The following RSPO1 variants were observed in gnomAD, a reference collection of about 807,000 sequenced individuals.
RSPO1 encodes R-spondin-1.
RSPO1 carries 18 observed loss-of-function variants against 26.0 expected under a neutral mutation model. That is an observed-to-expected ratio of 0.69 (90% CI 0.48 to 1.03). RSPO1 has a LOEUF of 1.03. Ranked by LOEUF, RSPO1 falls within the 50% of genes least tolerant of loss-of-function variation. RSPO1 has a pLI of 0.00. For missense variants in RSPO1, 309 were observed against 352.3 expected (o/e 0.88, Z 0.98); for synonymous variants, 133 against 137.4 (o/e 0.97, Z 0.22).
rs117817719 is a variant in RSPO1, at chr1:37,623,794, C to T, written c.94+5774G>A. On this transcript the variant is annotated intron_variant, in intron 3 of 6. Transcript: ENST00000356545. ...TTTTTTTTTGAAATGGTGTCTCACC[C>T]TGTTGGCCAGGCTGGAGTGCAATGG... is the stretch of plus-strand genomic sequence containing the variant. Among the ~76,000 whole-genome samples the T allele has an allele frequency of 3.2e-3, 485 of 150,856 alleles. 20 individuals are homozygous for T. The East Asian group carries it at 0.074, about 23-fold the overall frequency.
chr1:37,624,105 C>A (rs1644243561), intron 3 of RSPO1, among the ~76,000 whole-genome samples: 1 of 152,006 alleles, frequency 6.6e-6, no homozygotes, highest in Non-Finnish European at 1.5e-5. Flanking sequence ...AATGGAAGGG[C>A]ATCGTTGGGT....
At chr1:37,620,164 C>A (rs1372081847) in intron 3 of RSPO1, among the ~76,000 whole-genome samples, 1 of 152,082 alleles carries the variant, frequency 6.6e-6, no homozygotes, top group Admixed American at 6.6e-5. Context: ...CAGGGTAGGA[C>A]AATATGAGGT....
Position 37,613,566 on chromosome 1 carries a change from A to G in RSPO1, c.625+138T>C. 1.4e-6 allele frequency: 1 copy of G among 714,026 alleles called. No homozygotes were observed. The highest frequency in any genetic ancestry group is 2.5e-6 in the Non-Finnish European group (1 of 399,242). 44.2% of individuals were successfully genotyped at this position (714,026 alleles called of 1,614,324 possible). The stretch of plus-strand genomic sequence containing the variant: ...CATGGCATCTGGATTGGACAGCATG[A>G]GGTCTTGAGTTGCGGGTGCCCCATC... On this transcript the variant is annotated intron_variant, in intron 6 of 6. Transcript: ENST00000356545. This position sits in a 1 kb window ranked among gnomAD's most constrained non-coding sequence, Gnocchi z 4.5.
chr1:37,613,915 G>A lies in RSPO1; in HGVS notation c.437-23C>T, dbSNP rs1297446576. On this transcript the variant is annotated intron_variant, in intron 5 of 6. Coordinates refer to ENST00000356545, the MANE Select transcript of RSPO1 (RefSeq NM_001242908.2). This position sits in a 1 kb window ranked among gnomAD's most constrained non-coding sequence, Gnocchi z 4.5. ...GCGCTGGCAGGAAGAGAAGGGAAGGGAGAGAAGGACAAGGAGGAGGGGATC... is the reference window on the plus strand; with the variant it reads ...GCGCTGGCAGGAAGAGAAGGGAAGGAAGAGAAGGACAAGGAGGAGGGGATC... 7 of 1,612,754 alleles carry A rather than the reference G, an allele frequency of 4.3e-6. No individual in the cohort carries two copies. The African/African-American group carries it at 8.0e-5, about 18-fold the overall frequency.
intron 3 of RSPO1, 118 bp from the exon 4 acceptor site, chr1:37,616,793 C>T: frequency 1.0e-6 from 1 of 1,000,894 alleles, no homozygotes; most frequent in South Asian, 1.3e-5. Flanking sequence ...GAATATGCTT[C>T]TCAGAAAGCA....
chr1:37,613,586 C>A lies in RSPO1; in HGVS notation c.625+118G>T. On this transcript the variant is annotated intron_variant, in intron 6 of 6. Transcript: ENST00000356545. This position sits in a 1 kb window ranked among gnomAD's most constrained non-coding sequence, Gnocchi z 4.5. ...GCATGAGGTCTTGAGTTGCGGGTGC[C>A]CCATCTGGCCTTGCCCTGAAGCTTC... The A allele has an allele frequency of 1.2e-6, 1 of 819,982 alleles. No individual in the cohort carries two copies. The highest frequency in any genetic ancestry group is 2.0e-6 in the Non-Finnish European group (1 of 491,664). The allele number at this position is 819,982 out of a possible 1,614,324, so 50.8% of individuals were successfully genotyped here. A position where few individuals can be genotyped will look rare whatever the true frequency, so the allele number is the denominator to read the frequency against.
Position 37,629,607 on chromosome 1 carries a change from T to C in RSPO1, c.55A>G (p.Ile19Val). The C allele has an allele frequency of 6.2e-7, 1 of 1,614,102 alleles. No individual in the cohort carries two copies. Among genetic ancestry groups the C allele is most frequent in the Admixed American group, 1.7e-5 (1 of 60,028 alleles). Residue 19 changes from isoleucine to valine, a missense_variant, in exon 3 of 7, where the codon ATC becomes GTC. Coordinates refer to ENST00000356545, the MANE Select transcript of RSPO1 (RefSeq NM_001242908.2). Reference protein sequence around the residue: ...ALVLSWTHLTISSRGIKGKRQ... With the variant: ...ALVLSWTHLTVSSRGIKGKRQ... The stretch of plus-strand genomic sequence containing the variant: ...TTCCCCTTGATCCCCCGGCTGCTGA[T>C]GGTGAGGTGCGTCCAGCTCAGAACC...
chr1:37,612,565 A>C lies in RSPO1; in HGVS notation c.*190T>G. The C allele has an allele frequency of 1.5e-6, 1 of 669,720 alleles. No individual in the cohort carries two copies. Among genetic ancestry groups the C allele is most frequent in the Admixed American group, 2.1e-5 (1 of 46,956 alleles). 41.5% of individuals were successfully genotyped at this position (669,720 alleles called of 1,614,324 possible). A position where few individuals can be genotyped will look rare whatever the true frequency, so the allele number is the denominator to read the frequency against. On this transcript the variant is annotated 3_prime_UTR_variant, in exon 7 of 7. Transcript: ENST00000356545. ...TGTGTCTGCGTGTGTACATGAACAC[A>C]CATGTGCAAGTATGTATGGTTGTAT...
rs1310560165 is a variant in RSPO1, at chr1:37,614,317, G to T, written c.303C>A (p.His101Gln). Residue 101 changes from histidine (H) to glutamine (Q), a missense_variant, in exon 5 of 7, where the codon CAC becomes CAA. By Grantham distance (24) the His-to-Gln change is conservative. Coordinates refer to ENST00000356545, the MANE Select transcript of RSPO1 (RefSeq NM_001242908.2). The stretch of plus-strand genomic sequence containing the variant: ...AGTTATGGCTGAAGCAGGCCTCACA[G>T]TGCTCGATCTTGCATTCTGAGGAGA... ...MNKCIKCKIE[H>Q]CEACFSHNFC... 1 of 1,613,656 alleles carries T rather than the reference G, an allele frequency of 6.2e-7. No individual in the cohort carries two copies. The highest frequency in any genetic ancestry group is 8.5e-7 in the Non-Finnish European group (1 of 1,180,052).
chr1:37,614,665 C>G (rs1644085237), intron 4 of RSPO1, among the ~76,000 whole-genome samples: 1 of 152,164 alleles, frequency 6.6e-6, no homozygotes, highest in Non-Finnish European at 1.5e-5. Context: ...GTGGGGCCGT[C>G]TGGGCCTGGT....
At chr1:37,617,950 A>AAGG (rs2148165447) in intron 3 of RSPO1, among the ~76,000 whole-genome samples, 1 of 152,280 alleles carries the variant, frequency 6.6e-6, no homozygotes, top group Admixed American at 6.5e-5. Context: ...ACAAGCCACA[A>AAGG]AGGAGGTGTC....
rs746445064 is a variant in RSPO1, at chr1:37,613,868, G to A, written c.461C>T (p.Ser154Phe). The A allele has an allele frequency of 3.5e-5, 56 of 1,613,992 alleles. No individual in the cohort carries two copies. The highest frequency in any genetic ancestry group is 4.1e-5 in the Non-Finnish European group (48 of 1,180,030). The change falls in exon 6 of 7, where the codon TCT becomes TTT. Residue 154 changes from serine (S) to phenylalanine (F), a missense_variant. Physicochemically the swap from Ser to Phe is radical, Grantham distance 155. Transcript: ENST00000356545. The surrounding 1 kb of genome is among the most constrained non-coding windows in gnomAD (Gnocchi z 4.5). ...CTTCTTGGAGCAGGGCCCCCACGGA[G>A]ACCACTCGCTCATTTCACATTGCGC... is the stretch of plus-strand genomic sequence containing the variant. ...SPAQCEMSEW[S>F]PWGPCSKKQQ...
chr1:37,634,858 C>G lies in RSPO1; in HGVS notation c.-648G>C, dbSNP rs1644416112. ...CCCTGCGCTGGTGCTCTCCGTCGCG[C>G]CTCCGCTCGGCCGGAGCTCCCAGCC... is the stretch of plus-strand genomic sequence containing the variant. On this transcript the variant is annotated 5_prime_UTR_variant, in exon 1 of 7. Coordinates refer to ENST00000356545, the MANE Select transcript of RSPO1 (RefSeq NM_001242908.2). The surrounding 1 kb of genome is among the most constrained non-coding windows in gnomAD (Gnocchi z 4.7). 1 of 152,288 alleles carries G rather than the reference C, an allele frequency of 6.6e-6. No individual in the cohort carries two copies. Among genetic ancestry groups the G allele is most frequent in the Non-Finnish European group, 1.5e-5 (1 of 68,086 alleles). The allele number at this position is 152,288 out of a possible 1,614,324, so 9.4% of individuals were successfully genotyped here.
At position 37,612,541 on chromosome 1, in the gene RSPO1, GTGTC is replaced by G; in HGVS notation, c.*210_*213del. The G allele has an allele frequency of 1.6e-6, 1 of 620,558 alleles. No individual in the cohort carries two copies. 38.4% of individuals were successfully genotyped at this position (620,558 alleles called of 1,614,324 possible). A position where few individuals can be genotyped will look rare whatever the true frequency, so the allele number is the denominator to read the frequency against. On this transcript the variant is annotated 3_prime_UTR_variant, in exon 7 of 7. Transcript: ENST00000356545. ...GTGTGTATGTGTGTGTGTGGTGTCT[GTGTC>G]TGCGTGTGTACATGAACACACATGT... is the stretch of plus-strand genomic sequence containing the variant.
intron 4 of RSPO1, among the ~76,000 whole-genome samples, chr1:37,616,220 C>G (rs1034872600): frequency 1.7e-4 from 26 of 152,058 alleles, no homozygotes; most frequent in Non-Finnish European, 1.6e-4. Flanking sequence ...GGTTGGCACT[C>G]AGGGCTGTGG....
intron 3 of RSPO1, among the ~76,000 whole-genome samples, chr1:37,624,030 G>T (rs1050423365): frequency 2.0e-5 from 3 of 152,048 alleles, no homozygotes; most frequent in Admixed American, 6.5e-5. Flanking sequence ...AAAGTTCTGG[G>T]ATTACAGGCG....
At chr1:37,630,243 T>C (rs766454309) in intron 2 of RSPO1, among the ~76,000 whole-genome samples, 1 of 152,248 alleles carries the variant, frequency 6.6e-6, no homozygotes, top group Non-Finnish European at 1.5e-5. Context: ...TGCTTCATGT[T>C]GTCCAGCTCT....
intron 3 of RSPO1, among the ~76,000 whole-genome samples, chr1:37,626,293 G>A (rs1046354154): frequency 2.0e-5 from 3 of 152,126 alleles, no homozygotes; most frequent in East Asian, 1.9e-4. Flanking sequence ...CTTGTTTAGT[G>A]GCAAAACACT....
At chr1:37,621,754 C>A (rs754613715) in intron 3 of RSPO1, among the ~76,000 whole-genome samples, 1 of 151,544 alleles carries the variant, frequency 6.6e-6, no homozygotes, top group Admixed American at 6.6e-5. Flanking sequence ...GAGATTGAGA[C>A]GCTGAGTTCT....
Sources: allele counts gnomAD v4.1 joint callset (sites outside exome capture counted in the v4.1 genomes callset), GRCh38; gene constraint gnomAD v4.1.1; non-coding constraint Gnocchi (gnomAD v3.1); transcripts MANE v1.5; gene names NCBI Gene and HGNC (gene_info 2026-07-23, HGNC 2026-07-21).